NADK2: variants seen among roughly 807,000 people sequenced by gnomAD.
NADK2 encodes the protein NAD kinase 2, mitochondrial.
NADK2 carries 35 observed loss-of-function variants against 62.1 expected under a neutral mutation model. That is an observed-to-expected ratio of 0.56 (90% CI 0.43 to 0.75). The LOEUF is 0.75. NADK2 is among the 30% of genes least tolerant of loss of function. The pLI is 0.00. For synonymous variants in NADK2, 205 were observed against 207.9 expected (o/e 0.99, Z 0.12); for missense variants, 439 against 561.3 (o/e 0.78, Z 2.20).
chr5:36,241,846 A>C lies in NADK2; in HGVS notation c.-48T>G. 8.1e-7 allele frequency: 1 copy of C among 1,234,356 alleles called. No homozygotes were observed. The highest frequency in any genetic ancestry group is 1.0e-6 in the Non-Finnish European group (1 of 987,736). 76.5% of individuals were successfully genotyped at this position (1,234,356 alleles called of 1,614,324 possible). On this transcript the variant is annotated 5_prime_UTR_variant, in exon 1 of 12. Coordinates refer to ENST00000381937, the MANE Select transcript of NADK2 (RefSeq NM_001085411.3). This position sits in a 1 kb window ranked among gnomAD's most constrained non-coding sequence, Gnocchi z 4.9. ...GGCTTGGGCTCGGGCCCCTTGCCTC[A>C]GCTCCCTACCGCCGGGAGTGCGCGC...
At chr5:36,236,220 G>A (rs374976322) in intron 1 of NADK2, among the ~76,000 whole-genome samples, 3 of 152,298 alleles carry the variant, frequency 2.0e-5, no homozygotes, top group African/African-American at 7.2e-5. Flanking sequence ...CATCAGGGCT[G>A]TGAAGCATGT....
rs549969973 is a variant in NADK2 at position 36,217,725 on chromosome 5, C to T, written c.781+23G>A. ...TATGAGTTAAATATTTCCCCAAACACATCTGATGCCCAATCCACCTACTTT... is the reference window on the plus strand; with the variant it reads ...TATGAGTTAAATATTTCCCCAAACATATCTGATGCCCAATCCACCTACTTT... On this transcript the variant is annotated intron_variant, in intron 6 of 11. Coordinates refer to ENST00000381937, the MANE Select transcript of NADK2 (RefSeq NM_001085411.3). The T allele has an allele frequency of 3.7e-6, 6 of 1,613,392 alleles. No individual in the cohort carries two copies. In the African/African-American group the frequency reaches 6.7e-5, roughly 18 times the overall value.
At chr5:36,228,109 C>G (rs1196775419) in intron 1 of NADK2, among the ~76,000 whole-genome samples, 2 of 152,082 alleles carry the variant, frequency 1.3e-5, no homozygotes, top group East Asian at 3.9e-4. Context: ...TGGAATTTAC[C>G]TTACGAAATC....
intron 1 of NADK2, among the ~76,000 whole-genome samples, chr5:36,240,017 T>C (rs1182701059): frequency 6.6e-6 from 1 of 152,200 alleles, no homozygotes; most frequent in African/African-American, 2.4e-5. Flanking sequence ...TATGCATACA[T>C]GGCATTTGAC....
At chr5:36,208,730 G>T in intron 7 of NADK2, 1 of 1,297,668 alleles carries the variant, frequency 7.7e-7, no homozygotes, top group Non-Finnish European at 1.1e-6. Flanking sequence ...ACAAAATTGG[G>T]CCTTTAAAAT....
chr5:36,221,321 G>C (rs1246859951), intron 4 of NADK2: 1 of 152,248 alleles, frequency 6.6e-6, no homozygotes, highest in Non-Finnish European at 1.5e-5. Flanking sequence ...GATGCCTACA[G>C]ACCAAGCTGA....
chr5:36,216,279 T>C (rs567371194), intron 6 of NADK2, among the ~76,000 whole-genome samples: 3 of 148,828 alleles, frequency 2.0e-5, no homozygotes, highest in African/African-American at 7.2e-5. Context: ...TTTAATGAGA[T>C]TATTTGTTTG....
Position 36,241,150 on chromosome 5 carries a change from C to T in NADK2, c.300+349G>A, listed in dbSNP as rs745524360. 7.9e-5 allele frequency among the ~76,000 whole-genome samples: 12 copies of T among 152,190 alleles called. No homozygotes were observed. Among genetic ancestry groups the T allele is most frequent in the Non-Finnish European group, 1.5e-4 (10 of 68,026 alleles). ...CTTGGAGTGGGTCCCAACCAGGGAA[C>T]GAGGGCGGGGGCGGCGAGGGCACCA... On this transcript the variant is annotated intron_variant, in intron 1 of 11. Transcript: ENST00000381937. This position sits in a 1 kb window ranked among gnomAD's most constrained non-coding sequence, Gnocchi z 4.9.
intron 8 of NADK2, among the ~76,000 whole-genome samples, chr5:36,206,362 G>T (rs1746636891): frequency 6.7e-6 from 1 of 149,822 alleles, no homozygotes; most frequent in Non-Finnish European, 1.5e-5. Flanking sequence ...ACAGCCTGAA[G>T]AATAAAAGGT....
chr5:36,212,039 C>G (rs927256027), intron 6 of NADK2, 117 bp from the exon 7 acceptor site: 1 of 689,276 alleles, frequency 1.5e-6, no homozygotes. Flanking sequence ...GAATCACATA[C>G]TTTAATACAG....
chr5:36,225,529 C>T lies in NADK2; in HGVS notation c.560+13G>A, dbSNP rs768129979. 20 of 1,604,964 alleles carry T rather than the reference C, an allele frequency of 1.2e-5. No individual in the cohort carries two copies. The highest frequency in any genetic ancestry group is 2.2e-5 in the South Asian group (2 of 89,120). The stretch of plus-strand genomic sequence containing the variant: ...CCACACAAATCAAACAAAATGTATA[C>T]GTTCTTTCTTACCGTTCTGGATCAG... On this transcript the variant is annotated intron_variant, in intron 4 of 11. Coordinates refer to ENST00000381937, the MANE Select transcript of NADK2 (RefSeq NM_001085411.3).
chr5:36,228,868 C>T (rs1319708247), intron 1 of NADK2, among the ~76,000 whole-genome samples: 1 of 151,798 alleles, frequency 6.6e-6, no homozygotes, highest in African/African-American at 2.4e-5. Flanking sequence ...TTAAGCAATC[C>T]ACACACCTTG....
At position 36,211,913 on chromosome 5, in the gene NADK2, GCCTCAGAC is replaced by G; in HGVS notation, c.783_790del (p.Arg261SerfsTer14). 6.2e-7 allele frequency: 1 copy of G among 1,612,478 alleles called. No homozygotes were observed. The highest frequency in any genetic ancestry group is 8.5e-7 in the Non-Finnish European group (1 of 1,178,882). On this transcript the variant is annotated frameshift_variant and splice_region_variant, in exon 7 of 12. Transcript: ENST00000381937. LOFTEE classifies it high-confidence loss of function. Reference sequence around the variant, plus strand: ...CACTGGCAGAAGTTGGGGTCCTGAAGCCTCAGACCCTGCATGTAATTTAAGACAAAGAA... The same window carrying G: ...CACTGGCAGAAGTTGGGGTCCTGAAGCCTGCATGTAATTTAAGACAAAGAA...
In NADK2 at chr5:36,241,629, C is replaced by A. The variant is rs1031707641; in HGVS notation, c.170G>T (p.Gly57Val). Reference protein sequence around the residue: ...LGQGQPRELAGCGSRADGGFR... With the variant: ...LGQGQPRELAVCGSRADGGFR... The stretch of plus-strand genomic sequence containing the variant: ...GCCGCCGTCCGCGCGGCTGCCACAG[C>A]CCGCCAGCTCGCGCGGCTGCCCCTG... The change falls in exon 1 of 12, where the codon GGC becomes GTC. Residue 57 changes from glycine (G) to valine (V), a missense_variant. Transcript: ENST00000381937. This position sits in a 1 kb window ranked among gnomAD's most constrained non-coding sequence, Gnocchi z 4.9. 5 of 1,467,856 alleles carry A rather than the reference C, an allele frequency of 3.4e-6. No individual in the cohort carries two copies. The highest frequency in any genetic ancestry group is 4.5e-6 in the Non-Finnish European group (5 of 1,114,726). The allele number at this position is 1,467,856 out of a possible 1,614,324, so 90.9% of individuals were successfully genotyped here. A position where few individuals can be genotyped will look rare whatever the true frequency, so the allele number is the denominator to read the frequency against.
chr5:36,222,950 A>G (rs1435207008), intron 4 of NADK2, among the ~76,000 whole-genome samples: 1 of 152,192 alleles, frequency 6.6e-6, no homozygotes, highest in East Asian at 1.9e-4. Context: ...ATACCACTGG[A>G]TATATCCAAA....
chr5:36,241,852 C>T lies in NADK2; in HGVS notation c.-54G>A. 1 of 1,220,108 alleles carries T rather than the reference C, an allele frequency of 8.2e-7. No homozygotes were observed. Among genetic ancestry groups the T allele is most frequent in the Non-Finnish European group, 1.0e-6 (1 of 977,872 alleles). 75.6% of individuals were successfully genotyped at this position (1,220,108 alleles called of 1,614,324 possible). On this transcript the variant is annotated 5_prime_UTR_variant, in exon 1 of 12. Coordinates refer to ENST00000381937, the MANE Select transcript of NADK2 (RefSeq NM_001085411.3). This position sits in a 1 kb window ranked among gnomAD's most constrained non-coding sequence, Gnocchi z 4.9. ...GGCTCGGGCCCCTTGCCTCAGCTCC[C>T]TACCGCCGGGAGTGCGCGCCGTCCG... is the stretch of plus-strand genomic sequence containing the variant.
rs1179739070 is a variant in NADK2 at position 36,192,802 on chromosome 5, T to C, written c.*2342A>G. The C allele has an allele frequency of 6.6e-6, 1 of 152,166 alleles. No homozygotes were observed. Among genetic ancestry groups the C allele is most frequent in the East Asian group, 1.9e-4 (1 of 5,182 alleles). The allele number at this position is 152,166 out of a possible 1,614,324, so 9.4% of individuals were successfully genotyped here. A position where few individuals can be genotyped will look rare whatever the true frequency, so the allele number is the denominator to read the frequency against. On this transcript the variant is annotated 3_prime_UTR_variant, in exon 12 of 12. Coordinates refer to ENST00000381937, the MANE Select transcript of NADK2 (RefSeq NM_001085411.3). Reference sequence around the variant, plus strand: ...ATAATACACAGCAGTGGGGAAACACTTCTGAAACATAACATTTTGTGAAAA... The same window carrying C: ...ATAATACACAGCAGTGGGGAAACACCTCTGAAACATAACATTTTGTGAAAA...
chr5:36,231,030 TA>T (rs1239075138), intron 1 of NADK2, among the ~76,000 whole-genome samples: 1 of 152,226 alleles, frequency 6.6e-6, no homozygotes, highest in African/African-American at 2.4e-5. Context: ...ATTTTTACCT[TA>T]TGTTCCAAAT....
rs1748117866 is a variant in NADK2 at position 36,241,468 on chromosome 5, G to A, written c.300+31C>T. 6.6e-7 allele frequency: 1 copy of A among 1,505,362 alleles called. No individual in the cohort carries two copies. The highest frequency in any genetic ancestry group is 8.8e-7 in the Non-Finnish European group (1 of 1,133,076). 93.3% of individuals were successfully genotyped at this position (1,505,362 alleles called of 1,614,324 possible). A position where few individuals can be genotyped will look rare whatever the true frequency, so the allele number is the denominator to read the frequency against. On this transcript the variant is annotated intron_variant, in intron 1 of 11. Transcript: ENST00000381937. The surrounding 1 kb of genome is among the most constrained non-coding windows in gnomAD (Gnocchi z 4.9). ...CGCCACCAGAGCCCCGGCCGAGCCCGGGAGCGAAGCGGGGCCGAGCCAGGA... is the reference window on the plus strand; with the variant it reads ...CGCCACCAGAGCCCCGGCCGAGCCCAGGAGCGAAGCGGGGCCGAGCCAGGA...
Sources: gnomAD v4.1 joint callset for allele counts (sites outside exome capture counted in the v4.1 genomes callset) on GRCh38, gnomAD v4.1.1 for gene constraint, Gnocchi (gnomAD v3.1) non-coding constraint, MANE v1.5 for transcripts, NCBI Gene and HGNC (gene_info 2026-07-23, HGNC 2026-07-21) for gene names.